The following MAP1LC3B variants were observed in gnomAD, a reference collection of about 807,000 sequenced individuals.
MAP1LC3B encodes the protein microtubule-associated protein 1 light chain 3 beta.
MAP1LC3B carries 12 observed loss-of-function variants against 16.7 expected under a neutral mutation model. The ratio of observed to expected loss-of-function variants is 0.72; its 90% CI spans 0.46 to 1.16. The LOEUF is 1.16. Among genes scored for constraint, MAP1LC3B ranks in the 50% most tolerant of loss-of-function variants. The probability of loss-of-function intolerance (pLI) is 0.00; values close to 1 mark genes in which losing one functional copy is unlikely to be tolerated. For synonymous variants in MAP1LC3B, 63 were observed against 56.5 expected (o/e 1.11, Z -0.51); for missense variants, 155 against 159.5 (o/e 0.97, Z 0.15).
rs1907615509 is a variant in MAP1LC3B at position 87,392,453 on chromosome 16, A to T, written c.26A>T (p.Gln9Leu). Residue 9 changes from glutamine to leucine, a missense_variant, in exon 1 of 4, where the codon CAG (glutamine) becomes CTG (leucine). Gln to Leu is a moderately radical substitution (Grantham distance 113, BLOSUM62 -2). Transcript: ENST00000268607. MPSEKTFK[Q>L]RRTFEQRVED... is the part of the protein sequence containing the mutation. ...ATGCCGTCGGAGAAGACCTTCAAGC[A>T]GCGCCGCACCTTCGGTGAGTGTCGC... is the stretch of plus-strand genomic sequence containing the variant. The T allele has an allele frequency of 7.3e-7, 1 of 1,373,766 alleles. No individual in the cohort carries two copies. Among genetic ancestry groups the T allele is most frequent in the African/African-American group, 1.5e-5 (1 of 65,462 alleles). 85.1% of individuals were successfully genotyped at this position (1,373,766 alleles called of 1,614,324 possible). A position where few individuals can be genotyped will look rare whatever the true frequency, so the allele number is the denominator to read the frequency against.
At chr16:87,397,148 A>G (rs1907837050) in intron 1 of MAP1LC3B, among the ~76,000 whole-genome samples, 1 of 152,150 alleles carries the variant, frequency 6.6e-6, no homozygotes. Context: ...ATTTGCATAT[A>G]TATTCAATAG....
chr16:87,397,607 G>C (rs1907851637), intron 1 of MAP1LC3B, among the ~76,000 whole-genome samples: 1 of 152,172 alleles, frequency 6.6e-6, no homozygotes, highest in Admixed American at 6.5e-5. Context: ...AACAGAGTGA[G>C]ACTCTGTCTC....
chr16:87,398,649 C>G (rs1907885049), intron 1 of MAP1LC3B, among the ~76,000 whole-genome samples, 166 bp from the exon 2 acceptor site: 1 of 152,192 alleles, frequency 6.6e-6, no homozygotes. Flanking sequence ...AAACCTTTAT[C>G]AGGTTTGAAG....
In MAP1LC3B at chr16:87,392,396, G is replaced by T; in HGVS notation, c.-32G>T. The T allele has an allele frequency of 7.1e-7, 1 of 1,416,510 alleles. No individual in the cohort carries two copies. 87.7% of individuals were successfully genotyped at this position (1,416,510 alleles called of 1,614,324 possible). A position where few individuals can be genotyped will look rare whatever the true frequency, so the allele number is the denominator to read the frequency against. ...CGGGAGCCGCCGGGACCCTCGCGTC[G>T]TCGCCGCCGCCGCCGCCCAGATCCC... On this transcript the variant is annotated 5_prime_UTR_variant, in exon 1 of 4. Transcript: ENST00000268607.
At chr16:87,398,702 A>G (rs1369019265) in intron 1 of MAP1LC3B, 113 bp from the exon 2 acceptor site, 3 of 864,400 alleles carry the variant, frequency 3.5e-6, no homozygotes, top group Non-Finnish European at 5.8e-6. Flanking sequence ...AGATGTCTTC[A>G]GTGTTCTGCT....
At chr16:87,394,676 T>C (rs1907737419) in intron 1 of MAP1LC3B, among the ~76,000 whole-genome samples, 1 of 152,190 alleles carries the variant, frequency 6.6e-6, no homozygotes, top group African/African-American at 2.4e-5. Flanking sequence ...CAGTCTCCAG[T>C]AGGTAGCCAT....
chr16:87,396,614 T>G (rs989692281), intron 1 of MAP1LC3B: 3 of 152,008 alleles, frequency 2.0e-5, no homozygotes, highest in African/African-American at 7.3e-5. Flanking sequence ...AAATCGTGAT[T>G]TACCCTATAC....
At chr16:87,401,788 C>G (rs1417621154) in intron 2 of MAP1LC3B, among the ~76,000 whole-genome samples, 1 of 151,650 alleles carries the variant, frequency 6.6e-6, no homozygotes, top group African/African-American at 2.4e-5. Context: ...CCTCACCCTC[C>G]CAAAGTGCTG....
chr16:87,397,558 C>T (rs988298377), intron 1 of MAP1LC3B, among the ~76,000 whole-genome samples: 3 of 152,172 alleles, frequency 2.0e-5, no homozygotes, highest in African/African-American at 7.2e-5. Flanking sequence ...GCGGAGCTTG[C>T]AGTGAGCGGA....
intron 1 of MAP1LC3B, among the ~76,000 whole-genome samples, 155 bp from the exon 2 acceptor site, chr16:87,398,660 T>C (rs560275883): frequency 3.4e-4 from 52 of 152,314 alleles, no homozygotes; most frequent in African/African-American, 1.3e-3. Flanking sequence ...AGGTTTGAAG[T>C]GTTCGTGTTT....
intron 1 of MAP1LC3B, among the ~76,000 whole-genome samples, chr16:87,397,120 C>G (rs892585613): frequency 8.5e-5 from 13 of 152,082 alleles, no homozygotes; most frequent in Non-Finnish European, 1.8e-4. Flanking sequence ...GCCACTGCGC[C>G]CAGCCACCAA....
chr16:87,395,996 G>T (rs1279503214), intron 1 of MAP1LC3B, among the ~76,000 whole-genome samples: 1 of 150,888 alleles, frequency 6.6e-6, no homozygotes, highest in Non-Finnish European at 1.5e-5. Flanking sequence ...GAGTAGCTGG[G>T]ATTACGGGTG....
In MAP1LC3B at chr16:87,404,510, C is replaced by T. The variant is rs1205309938; in HGVS notation, c.*1413C>T. 1.3e-5 allele frequency: 2 copies of T among 152,082 alleles called. No homozygotes were observed. Among genetic ancestry groups the T allele is most frequent in the Non-Finnish European group, 2.9e-5 (2 of 68,062 alleles). The allele number at this position is 152,082 out of a possible 1,614,324, so 9.4% of individuals were successfully genotyped here. A position where few individuals can be genotyped will look rare whatever the true frequency, so the allele number is the denominator to read the frequency against. ...CCCCCCACCCCCGCATGCGTCTGTC[C>T]ACTTGGCTAACTTTTAATATGTGTA... On this transcript the variant is annotated 3_prime_UTR_variant, in exon 4 of 4. Transcript: ENST00000268607.
chr16:87,404,570 T>G lies in MAP1LC3B; in HGVS notation c.*1473T>G, dbSNP rs1908111631. ...TATGTATATTCTTAACTGGACTGTC[T>G]CGTTTAGACTGTATACATCATATCT... On this transcript the variant is annotated 3_prime_UTR_variant, in exon 4 of 4. Transcript: ENST00000268607. The G allele has an allele frequency of 6.6e-6, 1 of 152,178 alleles. No individual in the cohort carries two copies. Among genetic ancestry groups the G allele is most frequent in the Admixed American group, 6.5e-5 (1 of 15,272 alleles). The allele number at this position is 152,178 out of a possible 1,614,324, so 9.4% of individuals were successfully genotyped here. A position where few individuals can be genotyped will look rare whatever the true frequency, so the allele number is the denominator to read the frequency against.
chr16:87,392,484 G>A lies in MAP1LC3B; in HGVS notation c.40+17G>A. The A allele has an allele frequency of 1.5e-6, 2 of 1,309,112 alleles. No individual in the cohort carries two copies. The highest frequency in any genetic ancestry group is 2.2e-5 in the South Asian group (1 of 46,336). 81.1% of individuals were successfully genotyped at this position (1,309,112 alleles called of 1,614,324 possible). A position where few individuals can be genotyped will look rare whatever the true frequency, so the allele number is the denominator to read the frequency against. ...GCACCTTCGGTGAGTGTCGCCGCGA[G>A]GGCGGCGGGTGCGGCGGGGCCGGGG... On this transcript the variant is annotated intron_variant, in intron 1 of 3. Coordinates refer to ENST00000268607, the MANE Select transcript of MAP1LC3B (RefSeq NM_022818.5).
chr16:87,403,717 G>C lies in MAP1LC3B; in HGVS notation c.*620G>C, dbSNP rs1908076868. The C allele has an allele frequency of 6.6e-6, 1 of 152,284 alleles. No homozygotes were observed. Among genetic ancestry groups the C allele is most frequent in the Non-Finnish European group, 1.5e-5 (1 of 68,100 alleles). 9.4% of individuals were successfully genotyped at this position (152,284 alleles called of 1,614,324 possible). A position where few individuals can be genotyped will look rare whatever the true frequency, so the allele number is the denominator to read the frequency against. On this transcript the variant is annotated 3_prime_UTR_variant, in exon 4 of 4. Coordinates refer to ENST00000268607, the MANE Select transcript of MAP1LC3B (RefSeq NM_022818.5). ...CACACCCAAAGTCCTCACTCTTGCAGGGGTAGACATTTCTGGTTTGGTTTG... is the reference window on the plus strand; with the variant it reads ...CACACCCAAAGTCCTCACTCTTGCACGGGTAGACATTTCTGGTTTGGTTTG...
chr16:87,392,570 G>A, intron 1 of MAP1LC3B, 103 bp downstream of exon 1: 1 of 1,082,780 alleles, frequency 9.2e-7, no homozygotes, highest in Middle Eastern at 3.7e-4. Flanking sequence ...CGAGCCGGGA[G>A]GCCGAGCGGG....
Position 87,392,369 on chromosome 16 carries a change from C to A in MAP1LC3B, c.-59C>A. On this transcript the variant is annotated 5_prime_UTR_variant, in exon 1 of 4. Coordinates refer to ENST00000268607, the MANE Select transcript of MAP1LC3B (RefSeq NM_022818.5). ...ATTCGCCGCCGCAGCAGCCGCCGCCCCCGGGAGCCGCCGGGACCCTCGCGT... is the reference window on the plus strand; with the variant it reads ...ATTCGCCGCCGCAGCAGCCGCCGCCACCGGGAGCCGCCGGGACCCTCGCGT... 7.3e-7 allele frequency: 1 copy of A among 1,378,982 alleles called. No individual in the cohort carries two copies. The allele number at this position is 1,378,982 out of a possible 1,614,324, so 85.4% of individuals were successfully genotyped here.
At chr16:87,396,948 C>T (rs1188321492) in intron 1 of MAP1LC3B, 7 of 152,198 alleles carry the variant, frequency 4.6e-5, no homozygotes, top group African/African-American at 1.7e-4. Context: ...CTACCTCAGC[C>T]TCCCTAGTAG....
Sources: allele counts gnomAD v4.1 joint callset (sites outside exome capture counted in the v4.1 genomes callset), GRCh38; gene constraint gnomAD v4.1.1; transcripts MANE v1.5; gene names NCBI Gene and HGNC (gene_info 2026-07-23, HGNC 2026-07-21).